The following EDARADD variants were observed in gnomAD, a reference collection of about 807,000 sequenced individuals.
EDARADD encodes ectodysplasin-A receptor-associated adapter protein.
In EDARADD, 20 loss-of-function variants were observed where a neutral mutation model predicts 25.6. That is an observed-to-expected ratio of 0.78 (90% CI 0.55 to 1.14). The LOEUF (loss-of-function observed/expected upper bound fraction) is 1.14. EDARADD is among the 50% of genes most tolerant of loss of function. The pLI, the probability that EDARADD is intolerant of heterozygous loss-of-function variation, is 0.00. For synonymous variants in EDARADD, 86 were observed against 94.4 expected (o/e 0.91, Z 0.52); for missense variants, 225 against 270.1 (o/e 0.83, Z 1.17).
intron 5 of EDARADD, among the ~76,000 whole-genome samples, chr1:236,475,541 G>C (rs1659478282): frequency 6.6e-6 from 1 of 152,086 alleles, no homozygotes; most frequent in Non-Finnish European, 1.5e-5. Context: ...GAGGTGGGCA[G>C]ATCACGGGGT....
At chr1:236,414,475 T>C (rs1657583462) in intron 3 of EDARADD, among the ~76,000 whole-genome samples, 176 bp downstream of exon 3, 1 of 152,154 alleles carries the variant, frequency 6.6e-6, no homozygotes, top group Non-Finnish European at 1.5e-5. Flanking sequence ...TTTTAAATAG[T>C]ATCTTTTAAC....
intron 4 of EDARADD, among the ~76,000 whole-genome samples, chr1:236,428,739 C>CCT (rs2103016835): frequency 6.7e-6 from 1 of 148,826 alleles, no homozygotes; most frequent in East Asian, 1.9e-4. Flanking sequence ...GGGGTGGCGG[C>CCT]CGGGCAGAGG....
intron 2 of EDARADD, among the ~76,000 whole-genome samples, chr1:236,411,518 TC>T: frequency 6.6e-6 from 1 of 151,586 alleles, no homozygotes; most frequent in Non-Finnish European, 1.5e-5. Flanking sequence ...CTCTCCTTCT[TC>T]TTTCTTCTTC....
chr1:236,466,473 ACTC>A (rs2103034618), intron 4 of EDARADD, among the ~76,000 whole-genome samples: 1 of 145,878 alleles, frequency 6.9e-6, no homozygotes, highest in East Asian at 2.0e-4. Flanking sequence ...ACACTCACAC[ACTC>A]CTGAGTAAGG....
chr1:236,383,204 G>A (rs557960307), intron 3 of EDARADD, among the ~76,000 whole-genome samples: 109 of 152,112 alleles, frequency 7.2e-4, no homozygotes, highest in African/African-American at 2.5e-3. Context: ...AGACCAGCCT[G>A]GCCAACATAG....
At chr1:236,403,338 AGTGCAGTGGC>A (rs1360079582) in intron 1 of EDARADD, among the ~76,000 whole-genome samples, 1 of 151,976 alleles carries the variant, frequency 6.6e-6, no homozygotes, top group East Asian at 1.9e-4. Context: ...ACCAGGCTGG[AGTGCAGTGGC>A]GTGATCTCGA....
At chr1:236,435,439 A>G (rs888644618) in intron 4 of EDARADD, among the ~76,000 whole-genome samples, 4 of 152,276 alleles carry the variant, frequency 2.6e-5, no homozygotes, top group Middle Eastern at 3.4e-3. Flanking sequence ...TGCCTACTAC[A>G]TAGTAGGTCC....
At chr1:236,367,631 C>G (rs573592567) in intron 3 of EDARADD, among the ~76,000 whole-genome samples, 1 of 152,166 alleles carries the variant, frequency 6.6e-6, no homozygotes, top group South Asian at 2.1e-4. Context: ...TCCCAAAGTT[C>G]TGGGATCATA....
chr1:236,446,038 C>T (rs1209929292), intron 4 of EDARADD, among the ~76,000 whole-genome samples: 2 of 152,144 alleles, frequency 1.3e-5, no homozygotes, highest in African/African-American at 4.8e-5. Flanking sequence ...ATGTCTGCAG[C>T]GCATGGCACT....
intron 4 of EDARADD, among the ~76,000 whole-genome samples, chr1:236,441,836 C>T (rs1031710282): frequency 1.3e-5 from 2 of 152,114 alleles, no homozygotes; most frequent in African/African-American, 2.4e-5. Flanking sequence ...GGCCTCCTAA[C>T]CCTCTTTAAT....
Position 236,482,442 on chromosome 1 carries a change from G to T in EDARADD, c.441G>T (p.Gly147=). The change falls in exon 6 of 6, where the codon GGG becomes GGT. Residue 147 remains glycine, a synonymous_variant. Coordinates refer to ENST00000334232, the MANE Select transcript of EDARADD (RefSeq NM_145861.4). ...GGAGGAATTTTGCAAGCAAATGGGG[G>T]ATGTCCTATGACGAATTGTGCTTCC... ...KNWRNFASKW[G]MSYDELCFLE... 3 of 1,614,226 alleles carry T rather than the reference G, an allele frequency of 1.9e-6. No individual in the cohort carries two copies. The highest frequency in any genetic ancestry group is 1.7e-6 in the Non-Finnish European group (2 of 1,180,046).
At chr1:236,434,775 C>T (rs895919540) in intron 4 of EDARADD, among the ~76,000 whole-genome samples, 5 of 151,984 alleles carry the variant, frequency 3.3e-5, no homozygotes, top group Admixed American at 3.3e-4. Context: ...CCTTGAATGC[C>T]GGAGAGGGGT....
chr1:236,431,687 C>A (rs1483225109), intron 4 of EDARADD, among the ~76,000 whole-genome samples: 1 of 49,178 alleles, frequency 2.0e-5, no homozygotes, highest in Non-Finnish European at 8.7e-5. Flanking sequence ...TTTGGGAGGC[C>A]GAGGCGGGTG....
intron 3 of EDARADD, among the ~76,000 whole-genome samples, chr1:236,360,286 C>T (rs1440292828): frequency 1.3e-5 from 2 of 151,724 alleles, no homozygotes; most frequent in African/African-American, 2.4e-5. Context: ...AGCCATTGCA[C>T]TCCAGCCTGG....
chr1:236,478,153 G>A (rs1279418223), intron 5 of EDARADD, among the ~76,000 whole-genome samples: 1 of 152,018 alleles, frequency 6.6e-6, no homozygotes, highest in African/African-American at 2.4e-5. Context: ...AACTGGTAAA[G>A]GCTTTCTTTC....
At chr1:236,388,604 T>C (rs1432052924) in intron 3 of EDARADD, among the ~76,000 whole-genome samples, 1 of 152,250 alleles carries the variant, frequency 6.6e-6, no homozygotes, top group Non-Finnish European at 1.5e-5. Flanking sequence ...CACAGTTTTA[T>C]TGAATTTATT....
chr1:236,452,173 AC>A (rs1358128542), intron 4 of EDARADD, among the ~76,000 whole-genome samples: 1 of 152,048 alleles, frequency 6.6e-6, no homozygotes, highest in Non-Finnish European at 1.5e-5. Context: ...GCTGATAAGC[AC>A]CCCCTAGTGG....
At chr1:236,364,097 A>C (rs1399796838) in intron 3 of EDARADD, among the ~76,000 whole-genome samples, 1 of 152,158 alleles carries the variant, frequency 6.6e-6, no homozygotes, top group African/African-American at 2.4e-5. Flanking sequence ...GGTTGCAGTG[A>C]GCCAAGATTG....
At chr1:236,377,813 G>C (rs752278046) in intron 3 of EDARADD, among the ~76,000 whole-genome samples, 2 of 151,672 alleles carry the variant, frequency 1.3e-5, no homozygotes. Flanking sequence ...AGCCAAGATC[G>C]TGCCACTGCA....
Sources: gnomAD v4.1 joint callset for allele counts (sites outside exome capture counted in the v4.1 genomes callset) on GRCh38, gnomAD v4.1.1 for gene constraint, MANE v1.5 for transcripts, NCBI Gene and HGNC (gene_info 2026-07-23, HGNC 2026-07-21) for gene names.